The following IL1RN variants were observed in gnomAD, a reference collection of about 807,000 sequenced individuals.
The protein encoded by IL1RN is interleukin 1 receptor antagonist.
Under a neutral mutation model 13.7 loss-of-function variants are expected in IL1RN, and 10 were observed. The ratio of observed to expected loss-of-function variants is 0.73; its 90% CI spans 0.45 to 1.24. IL1RN has a LOEUF of 1.24. IL1RN is among the 50% of genes most tolerant of loss of function. IL1RN has a pLI of 0.00. For synonymous variants in IL1RN, 102 were observed against 82.7 expected (o/e 1.23, Z -1.27); for missense variants, 213 against 222.1 (o/e 0.96, Z 0.26).
At chr2:113,119,482 T>C (rs1056277890) in intron 1 of IL1RN, among the ~76,000 whole-genome samples, 1 of 152,202 alleles carries the variant, frequency 6.6e-6, no homozygotes, top group African/African-American at 2.4e-5. Context: ...GAGAGGGGAA[T>C]TGCTTTGTCA....
chr2:113,125,278 A>G (rs1270146111), upstream of IL1RN, among the ~76,000 whole-genome samples: 1 of 152,264 alleles, frequency 6.6e-6, no homozygotes, highest in East Asian at 1.9e-4. Flanking sequence ...CACACTCTGG[A>G]AGAGGCAAAT....
At chr2:113,105,129 T>C (rs1408379296), upstream of IL1RN, among the ~76,000 whole-genome samples, 1 of 152,196 alleles carries the variant, frequency 6.6e-6, no homozygotes, top group Admixed American at 6.5e-5. Context: ...GATGAGTTTC[T>C]GGCTAGAAGC....
intron 1 of IL1RN, 57 bp from the exon 2 acceptor site, chr2:113,129,519 G>A (rs367583387): frequency 9.0e-7 from 1 of 1,106,964 alleles, no homozygotes; most frequent in African/African-American, 1.5e-5. Context: ...AAGGTGCCAA[G>A]CACAAGGCTG....
chr2:113,131,262 T>C, intron 3 of IL1RN, 105 bp downstream of exon 3: 1 of 755,408 alleles, frequency 1.3e-6, no homozygotes, highest in South Asian at 1.4e-5. Flanking sequence ...AGCTGGGTAG[T>C]TCTGTTCCAT....
intron 1 of IL1RN, 88 bp downstream of exon 1, chr2:113,127,828 G>T: frequency 7.5e-7 from 1 of 1,337,774 alleles, no homozygotes; most frequent in Non-Finnish European, 1.1e-6. Flanking sequence ...CCAGGCCCCA[G>T]AGGGCCTGAG....
upstream of IL1RN, chr2:113,115,838 T>A (rs1477023089): frequency 3.9e-5 from 6 of 152,270 alleles, no homozygotes; most frequent in African/African-American, 1.4e-4. Context: ...TTACCCTCGA[T>A]GTCCCCAGTG....
At chr2:113,131,308 A>G (rs1687161887) in intron 3 of IL1RN, 151 bp downstream of exon 3, 1 of 688,684 alleles carries the variant, frequency 1.5e-6, no homozygotes. Flanking sequence ...TGGAAGCTGC[A>G]TTCAGCAGAG....
At chr2:113,112,496 A>T (rs952630031) in intron 1 of IL1RN, among the ~76,000 whole-genome samples, 1 of 152,078 alleles carries the variant, frequency 6.6e-6, no homozygotes, top group South Asian at 2.1e-4. Context: ...AGGTAAAGGG[A>T]TGTGAGTGTG....
chr2:113,121,631 T>C (rs1404367722), intron 2 of IL1RN: 17 of 983,854 alleles, frequency 1.7e-5, no homozygotes, highest in Non-Finnish European at 1.8e-5. Flanking sequence ...AAGTTAACCA[T>C]GTAGATCTGA....
At chr2:113,132,604 G>A (rs1414158977) in intron 3 of IL1RN, 52 bp from the exon 4 acceptor site, 7 of 1,516,620 alleles carry the variant, frequency 4.6e-6, no homozygotes, top group Non-Finnish European at 6.4e-6. Flanking sequence ...GAGGGAGGCA[G>A]CACAGGACTT....
At chr2:113,117,943 A>C in exon 1 of IL1RN, 1 of 904,632 alleles carries the variant, frequency 1.1e-6, no homozygotes, top group South Asian at 1.3e-5. Context: ...CCCGGGTGCT[A>C]CTTTATGGGC....
At chr2:113,107,861 G>T (rs879903716), upstream of IL1RN, among the ~76,000 whole-genome samples, 7 of 152,038 alleles carry the variant, frequency 4.6e-5, no homozygotes, top group African/African-American at 1.2e-4. Flanking sequence ...TTTTTTTTGG[G>T]TGTATTCATC....
upstream of IL1RN, among the ~76,000 whole-genome samples, chr2:113,113,914 G>C (rs1558860819): frequency 6.6e-6 from 1 of 152,164 alleles, no homozygotes. Context: ...TGTAGTCAAG[G>C]ATTCTTCAAT....
At chr2:113,106,279 AG>A (rs1161680285), upstream of IL1RN, among the ~76,000 whole-genome samples, 1 of 152,216 alleles carries the variant, frequency 6.6e-6, no homozygotes, top group Non-Finnish European at 1.5e-5. Flanking sequence ...AGAACAGCAA[AG>A]GGATAGTGAA....
chr2:113,110,889 G>A (rs1347460149), upstream of IL1RN, among the ~76,000 whole-genome samples: 1 of 152,184 alleles, frequency 6.6e-6, no homozygotes, highest in Non-Finnish European at 1.5e-5. Flanking sequence ...AAATCGATGT[G>A]TTGGACATGG....
the IL1RN span, among the ~76,000 whole-genome samples, chr2:113,102,082 T>C: frequency 6.6e-6 from 1 of 152,156 alleles, no homozygotes; most frequent in African/African-American, 2.4e-5. Flanking sequence ...CTTTTTTTCT[T>C]AAGGAGATTG....
chr2:113,120,134 T>C, intron 2 of IL1RN: 6 of 1,609,558 alleles, frequency 3.7e-6, no homozygotes, highest in African/African-American at 1.3e-5. Context: ...AAAGGGTAAA[T>C]TATTTTTAGG....
At chr2:113,129,438 C>T (rs1056723746) in intron 1 of IL1RN, 138 bp from the exon 2 acceptor site, 16 of 724,610 alleles carry the variant, frequency 2.2e-5, no homozygotes, top group South Asian at 2.9e-5. Context: ...CCATGCATGC[C>T]GTGGGTATAC....
chr2:113,114,396 G>A (rs1686552946), upstream of IL1RN, among the ~76,000 whole-genome samples: 1 of 52,760 alleles, frequency 1.9e-5, no homozygotes, highest in African/African-American at 8.9e-5. Context: ...GGCTTAGTTT[G>A]AGGCAGCTGC....
Sources: allele counts gnomAD v4.1 joint callset (sites outside exome capture counted in the v4.1 genomes callset), GRCh38; gene constraint gnomAD v4.1.1; transcripts MANE v1.5; gene names NCBI Gene and HGNC (gene_info 2026-07-23, HGNC 2026-07-21).